CCSER1: variants seen among roughly 807,000 people sequenced by gnomAD.
CCSER1 encodes the protein coiled-coil serine rich protein 1.
CCSER1 carries 41 observed loss-of-function variants against 82.0 expected under a neutral mutation model. The ratio of observed to expected loss-of-function variants is 0.50; its 90% CI spans 0.39 to 0.65. The LOEUF is 0.65. Among genes scored for constraint, CCSER1 ranks in the 30% least tolerant of loss-of-function variants. The pLI is 0.00. For synonymous variants in CCSER1, 414 were observed against 383.9 expected, an observed-to-expected ratio of 1.08 and a Z score of -0.92; for missense variants, 1,119 against 1,064.2, an observed-to-expected ratio of 1.05 and a Z score of -0.72.
Position 91,601,329 on chromosome 4 carries a change from C to G in CCSER1, c.*2272C>G, listed in dbSNP as rs1309535662. ...AAAAGAAAACCTGGATTAAACAGTTCGATTTTAAAAGGAAGGGTATTTTTT... is the reference window on the plus strand; with the variant it reads ...AAAAGAAAACCTGGATTAAACAGTTGGATTTTAAAAGGAAGGGTATTTTTT... On this transcript the variant is annotated 3_prime_UTR_variant, in exon 11 of 11. Transcript: ENST00000509176. 6.6e-6 allele frequency: 1 copy of G among 151,828 alleles called. No individual in the cohort carries two copies. Among genetic ancestry groups the G allele is most frequent in the Non-Finnish European group, 1.5e-5 (1 of 67,908 alleles). The allele number at this position is 151,828 out of a possible 1,614,324, so 9.4% of individuals were successfully genotyped here.
chr4:90,257,917 A>G (rs1723644625), intron 1 of CCSER1, among the ~76,000 whole-genome samples: 1 of 152,214 alleles, frequency 6.6e-6, no homozygotes, highest in Admixed American at 6.5e-5. Context: ...GATTCAGGCT[A>G]CTGATTTCAT....
At position 90,611,059 on chromosome 4, in the gene CCSER1, C is replaced by CTTTTTTTTTTTTTTTTTTTT. The variant is rs201354908; in HGVS notation, c.1725-16965_1725-16946dup. Among the ~76,000 whole-genome samples the CTTTTTTTTTTTTTTTTTTTT allele has an allele frequency of 8.2e-4, 77 of 93,810 alleles. 8 individuals are homozygous for CTTTTTTTTTTTTTTTTTTTT. Among genetic ancestry groups the CTTTTTTTTTTTTTTTTTTTT allele is most frequent in the Middle Eastern group, 7.9e-3 (1 of 126 alleles). 61.5% of individuals were successfully genotyped at this position (93,810 alleles called of 152,430 possible). A position where few individuals can be genotyped will look rare whatever the true frequency, so the allele number is the denominator to read the frequency against. On this transcript the variant is annotated intron_variant, in intron 5 of 10. Transcript: ENST00000509176. Reference sequence around the variant, plus strand: ...TGCCTGGCTAATTTTCTTTTCTTTTCTTTTTTTTTTTTTTTTTTTTGTAGA... The same window carrying CTTTTTTTTTTTTTTTTTTTT: ...TGCCTGGCTAATTTTCTTTTCTTTTCTTTTTTTTTTTTTTTTTTTTTTTTTTTTTTTTTTTTTTTTGTAGA...
chr4:91,344,954 C>T (rs1304661050), intron 10 of CCSER1, among the ~76,000 whole-genome samples: 2 of 151,966 alleles, frequency 1.3e-5, no homozygotes, highest in African/African-American at 2.4e-5. Flanking sequence ...TAAGTATGTG[C>T]CAACTTAAGT....
intron 10 of CCSER1, among the ~76,000 whole-genome samples, chr4:91,525,050 T>C (rs954849096): frequency 3.3e-5 from 5 of 152,130 alleles, no homozygotes; most frequent in African/African-American, 7.2e-5. Context: ...TGGGGAATTT[T>C]AAAAATGGTC....
chr4:90,352,850 G>A (rs1368649642), intron 3 of CCSER1, among the ~76,000 whole-genome samples: 3 of 152,082 alleles, frequency 2.0e-5, no homozygotes. Context: ...ATTTTTGAAT[G>A]TCTATGTGTT....
intron 7 of CCSER1, among the ~76,000 whole-genome samples, chr4:90,796,738 T>G (rs1756095426): frequency 6.6e-6 from 1 of 152,178 alleles, no homozygotes; most frequent in South Asian, 2.1e-4. Context: ...ATTTTATTAT[T>G]TACCAAAAAG....
chr4:90,713,034 T>C (rs940548477), intron 6 of CCSER1, among the ~76,000 whole-genome samples: 1 of 152,032 alleles, frequency 6.6e-6, no homozygotes, highest in Non-Finnish European at 1.5e-5. Flanking sequence ...AGCCTATGTT[T>C]GTCTTTGCAC....
At position 91,149,330 on chromosome 4, in the gene CCSER1, A is replaced by AT. The variant is rs1451831919; in HGVS notation, c.2217+63342dup. Among the ~76,000 whole-genome samples, 29 of 150,578 alleles carry AT rather than the reference A, an allele frequency of 1.9e-4. No individual in the cohort carries two copies. The East Asian group carries it at 3.9e-3, about 20-fold the overall frequency. On this transcript the variant is annotated intron_variant, in intron 10 of 10. Coordinates refer to ENST00000509176, the MANE Select transcript of CCSER1 (RefSeq NM_001145065.2). ...CTTTGCTCACTTGTTGATGGGGTTG[A>AT]TTTTTTCTCATAAATTTGTTTAAGT... is the stretch of plus-strand genomic sequence containing the variant.
chr4:90,345,923 T>TC (rs1388658001), intron 3 of CCSER1, among the ~76,000 whole-genome samples: 14 of 152,072 alleles, frequency 9.2e-5, no homozygotes, highest in African/African-American at 2.7e-4. Context: ...TTTTATTTTT[T>TC]CTCTATAGGC....
intron 9 of CCSER1, among the ~76,000 whole-genome samples, chr4:91,020,852 G>A (rs558976525): frequency 2.0e-5 from 3 of 152,106 alleles, no homozygotes; most frequent in African/African-American, 7.2e-5. Context: ...TTTCTACTTG[G>A]AAACTAATAC....
At chr4:91,407,584 G>T (rs907576378) in intron 10 of CCSER1, among the ~76,000 whole-genome samples, 1 of 152,164 alleles carries the variant, frequency 6.6e-6, no homozygotes, top group Non-Finnish European at 1.5e-5. Flanking sequence ...GCTCACAGTT[G>T]TACAGGCTAT....
intron 8 of CCSER1, among the ~76,000 whole-genome samples, chr4:90,919,619 A>G (rs934802137): frequency 6.6e-6 from 1 of 152,026 alleles, no homozygotes; most frequent in South Asian, 2.1e-4. Flanking sequence ...TATATATTTT[A>G]TTAGGTTCAT....
chr4:90,808,540 GA>G (rs556659777), intron 7 of CCSER1, among the ~76,000 whole-genome samples: 3 of 151,214 alleles, frequency 2.0e-5, no homozygotes, highest in South Asian at 2.1e-4. Context: ...AAATCAGCAA[GA>G]AAAAAAATAA....
intron 6 of CCSER1, among the ~76,000 whole-genome samples, chr4:90,635,349 A>T (rs1336547034): frequency 6.6e-6 from 1 of 151,710 alleles, no homozygotes; most frequent in Admixed American, 6.6e-5. Context: ...AAAGGTAGAC[A>T]TCTATGGGGT....
chr4:91,393,890 G>T (rs1751811800), intron 10 of CCSER1, among the ~76,000 whole-genome samples: 1 of 152,038 alleles, frequency 6.6e-6, no homozygotes, highest in Non-Finnish European at 1.5e-5. Context: ...ACTAAATGAG[G>T]TTTTATAGAC....
At chr4:90,718,815 A>G (rs1348502644) in intron 6 of CCSER1, among the ~76,000 whole-genome samples, 15 of 152,190 alleles carry the variant, frequency 9.9e-5, no homozygotes, top group Non-Finnish European at 1.5e-5. Context: ...TTATATTTAC[A>G]GAAAATATGC....
intron 5 of CCSER1, among the ~76,000 whole-genome samples, chr4:90,627,064 T>A (rs1723425207): frequency 1.3e-5 from 2 of 152,168 alleles, no homozygotes; most frequent in East Asian, 3.9e-4. Context: ...TAGTCAACCC[T>A]CAAAAAATGT....
chr4:90,886,680 C>T (rs572186747), intron 8 of CCSER1, among the ~76,000 whole-genome samples: 2 of 152,114 alleles, frequency 1.3e-5, no homozygotes, highest in Non-Finnish European at 2.9e-5. Context: ...TGATTATCCT[C>T]GTTTTACTGA....
chr4:90,484,202 G>A (rs944834796), intron 5 of CCSER1, among the ~76,000 whole-genome samples: 152 of 147,720 alleles, frequency 1.0e-3, no homozygotes, highest in Non-Finnish European at 1.7e-3. Context: ...CGTAGTTCTC[G>A]TGCGTGGTTT....
Sources: allele counts gnomAD v4.1 joint callset (sites outside exome capture counted in the v4.1 genomes callset), GRCh38; gene constraint gnomAD v4.1.1; transcripts MANE v1.5; gene names NCBI Gene and HGNC (gene_info 2026-07-23, HGNC 2026-07-21).